NKTR: variants seen among roughly 807,000 people sequenced by gnomAD.
The protein encoded by NKTR is natural killer cell triggering receptor.
NKTR carries 67 observed loss-of-function variants against 156.3 expected under a neutral mutation model. The observed-to-expected ratio is 0.43, with a 90% CI of 0.35 to 0.53. The LOEUF is 0.53. NKTR is among the 20% of genes least tolerant of loss of function. The pLI is 0.01. For missense variants in NKTR, 1,604 were observed against 1,730.9 expected (o/e 0.93, Z 1.30); for synonymous variants, 640 against 596.6 (o/e 1.07, Z -1.06).
intron 14 of NKTR, 76 bp downstream of exon 14, chr3:42,642,672 G>GTTGTT (rs1709994010): frequency 8.9e-6 from 9 of 1,008,204 alleles, no homozygotes; most frequent in Non-Finnish European, 1.4e-5. Flanking sequence ...AGAGGGGGTA[G>GTTGTT]TTGTTGAGAA....
chr3:42,615,696 A>G (rs1260188720), intron 2 of NKTR, among the ~76,000 whole-genome samples: 2 of 152,156 alleles, frequency 1.3e-5, no homozygotes, highest in African/African-American at 4.8e-5. Flanking sequence ...TCTTACAGGG[A>G]TTGCAAAGAT....
chr3:42,628,728 G>A (rs748917484), intron 6 of NKTR: 108 of 977,786 alleles, frequency 1.1e-4, no homozygotes, highest in Admixed American at 5.5e-4. Context: ...TTGGCTGGGT[G>A]TGGTGGCTCA....
chr3:42,647,267 A>AGTGTGTGTGTGTGTGTGTGTGTGT lies in NKTR; in HGVS notation c.*1304_*1327dup, dbSNP rs11442896. The AGTGTGTGTGTGTGTGTGTGTGTGT allele has an allele frequency of 9.7e-6, 1 of 102,974 alleles. No homozygotes were observed. The highest frequency in any genetic ancestry group is 1.9e-5 in the Non-Finnish European group (1 of 53,576). The allele number at this position is 102,974 out of a possible 1,614,324, so 6.4% of individuals were successfully genotyped here. A position where few individuals can be genotyped will look rare whatever the true frequency, so the allele number is the denominator to read the frequency against. On this transcript the variant is annotated 3_prime_UTR_variant, in exon 17 of 17. Coordinates refer to ENST00000232978, the MANE Select transcript of NKTR (RefSeq NM_005385.4). ...AAAAATAATTGGACCTGTAAAAACT[A>AGTGTGTGTGTGTGTGTGTGTGTGT]GTGTGTGTGTGTGTGTGTGTGTGTG...
At chr3:42,620,782 G>A (rs912625903) in intron 5 of NKTR, 106 of 984,768 alleles carry the variant, frequency 1.1e-4, no homozygotes, top group Non-Finnish European at 1.2e-4. Context: ...AACTAATGCT[G>A]TAGGCCACTT....
At chr3:42,645,526 T>C (rs1553674036) in intron 16 of NKTR, among the ~76,000 whole-genome samples, 1 of 151,602 alleles carries the variant, frequency 6.6e-6, no homozygotes, top group Non-Finnish European at 1.5e-5. Flanking sequence ...CTCTACTAAA[T>C]AAAAAAAATT....
intron 2 of NKTR, among the ~76,000 whole-genome samples, chr3:42,607,273 C>T (rs547505602): frequency 1.3e-5 from 2 of 152,010 alleles, no homozygotes; most frequent in Non-Finnish European, 2.9e-5. Flanking sequence ...TTAATAGATA[C>T]AGAAGAATTG....
chr3:42,638,868 T>A lies in NKTR; in HGVS notation c.3164T>A (p.Ile1055Asn). ...AACAATGAAACCATAAAAGATAATA[T>A]TCTAAAAACTGAGAAATCCAGTGAA... ...SENNETIKDN[I>N]LKTEKSSEED... Residue 1055 changes from isoleucine to asparagine, a missense_variant, in exon 13 of 17, where the codon ATT (isoleucine) becomes AAT (asparagine). Physicochemically the swap from Ile to Asn is moderately radical, Grantham distance 149. Transcript: ENST00000232978. 6.2e-7 allele frequency: 1 copy of A among 1,606,160 alleles called. No individual in the cohort carries two copies. Among genetic ancestry groups the A allele is most frequent in the African/African-American group, 1.3e-5 (1 of 74,280 alleles).
intron 10 of NKTR, 123 bp from the exon 11 acceptor site, chr3:42,634,490 T>C: frequency 1.9e-6 from 1 of 533,916 alleles, no homozygotes; most frequent in South Asian, 3.1e-5. Flanking sequence ...TGTCTTGTTT[T>C]AAAAAGCTAT....
rs1710396745 is a variant in NKTR, at chr3:42,647,252, G to A, written c.*1277G>A. 7.5e-6 allele frequency: 1 copy of A among 133,016 alleles called. No individual in the cohort carries two copies. Among genetic ancestry groups the A allele is most frequent in the South Asian group, 2.6e-4 (1 of 3,872 alleles). The allele number at this position is 133,016 out of a possible 1,614,324, so 8.2% of individuals were successfully genotyped here. On this transcript the variant is annotated 3_prime_UTR_variant, in exon 17 of 17. Coordinates refer to ENST00000232978, the MANE Select transcript of NKTR (RefSeq NM_005385.4). The stretch of plus-strand genomic sequence containing the variant: ...TTGGGTGGTTCCTCCAAAAATAATT[G>A]GACCTGTAAAAACTAGTGTGTGTGT...
In NKTR at chr3:42,631,171, G is replaced by T; in HGVS notation, c.405G>T (p.Gly135=). 1.2e-6 allele frequency: 2 copies of T among 1,613,404 alleles called. No individual in the cohort carries two copies. The highest frequency in any genetic ancestry group is 1.7e-6 in the Non-Finnish European group (2 of 1,179,688). ...ITTKPAPHLD[G]VHVVFGLVIS... ...GTTTCTTGAATTTGTATTATGACAG[G>T]GTGCATGTAGTCTTTGGACTGGTTA... Residue 135 remains glycine, a splice_region_variant and synonymous_variant, in exon 8 of 17, where the codon GGG becomes GGT. Coordinates refer to ENST00000232978, the MANE Select transcript of NKTR (RefSeq NM_005385.4).
chr3:42,603,385 ACAGCTT>A (rs1333403393), intron 2 of NKTR, among the ~76,000 whole-genome samples: 3 of 148,840 alleles, frequency 2.0e-5, no homozygotes, highest in African/African-American at 5.0e-5. Flanking sequence ...AAAAAAAAAA[ACAGCTT>A]AAGAAAAAGT....
At chr3:42,601,274 C>T in intron 2 of NKTR, 1 of 416,400 alleles carries the variant, frequency 2.4e-6, no homozygotes, top group South Asian at 3.8e-5. Flanking sequence ...CTGCCAAACC[C>T]CACACACCCC....
rs764384629 is a variant in NKTR, at chr3:42,639,040, A to G, written c.3336A>G (p.Glu1112=). The G allele has an allele frequency of 2.5e-6, 4 of 1,613,996 alleles. No homozygotes were observed. In the African/African-American group the frequency reaches 5.3e-5, roughly 22 times the overall value. Residue 1112 remains glutamate, a synonymous_variant, in exon 13 of 17, where the codon GAA becomes GAG. Transcript: ENST00000232978. Reference sequence around the variant, plus strand: ...GTTTACAAAACATTCAGCACGTTGAAGAAAGTGTTCCCAATGGAGTGGAAG... The same window carrying G: ...GTTTACAAAACATTCAGCACGTTGAGGAAAGTGTTCCCAATGGAGTGGAAG... ...VACLQNIQHV[E]ESVPNGVEDV...
At chr3:42,639,836 C>T in intron 13 of NKTR, 86 bp downstream of exon 13, 2 of 927,326 alleles carry the variant, frequency 2.2e-6, no homozygotes, top group South Asian at 3.3e-5. Flanking sequence ...GGGACAGAAT[C>T]ACTATTTCCA....
chr3:42,607,482 C>T (rs1237719362), intron 2 of NKTR, among the ~76,000 whole-genome samples: 1 of 151,078 alleles, frequency 6.6e-6, no homozygotes, highest in African/African-American at 2.4e-5. Flanking sequence ...TTAATGGGTC[C>T]GACTGACATG....
At chr3:42,635,498 A>T in intron 12 of NKTR, 132 bp downstream of exon 12, 1 of 652,456 alleles carries the variant, frequency 1.5e-6, no homozygotes, top group Non-Finnish European at 2.5e-6. Context: ...CAAAGGAAAT[A>T]CATTTGGGAC....
intron 6 of NKTR, chr3:42,628,107 G>T: frequency 1.0e-6 from 1 of 985,324 alleles, no homozygotes; most frequent in Non-Finnish European, 1.2e-6. Context: ...GAACCCCAGA[G>T]GGCTTCTTTT....
chr3:42,616,482 T>C (rs764427356), intron 2 of NKTR, among the ~76,000 whole-genome samples: 1 of 152,240 alleles, frequency 6.6e-6, no homozygotes, highest in Non-Finnish European at 1.5e-5. Flanking sequence ...ATGATATCAC[T>C]GCCCTGACAC....
Position 42,633,813 on chromosome 3 carries a change from T to C in NKTR, c.929+78T>C, listed in dbSNP as rs946145175. ...GTCAGCTCATTGCATTCCACACTCA[T>C]GTATGGAACATGATCCATGTTTGAA... On this transcript the variant is annotated intron_variant, in intron 10 of 16. Coordinates refer to ENST00000232978, the MANE Select transcript of NKTR (RefSeq NM_005385.4). 76 of 1,456,508 alleles carry C rather than the reference T, an allele frequency of 5.2e-5. No individual in the cohort carries two copies. In the South Asian group the frequency reaches 8.1e-4, roughly 15 times the overall value. 90.2% of individuals were successfully genotyped at this position (1,456,508 alleles called of 1,614,324 possible). A position where few individuals can be genotyped will look rare whatever the true frequency, so the allele number is the denominator to read the frequency against.
Sources: allele counts gnomAD v4.1 joint callset (sites outside exome capture counted in the v4.1 genomes callset), GRCh38; gene constraint gnomAD v4.1.1; transcripts MANE v1.5; gene names NCBI Gene and HGNC (gene_info 2026-07-23, HGNC 2026-07-21).